Variants in CRACR2A observed in about 807,000 individuals in gnomAD.
The protein encoded by CRACR2A is EF-hand calcium-binding domain-containing protein 4B.
In CRACR2A, 79 loss-of-function variants were observed where a neutral mutation model predicts 90.5. The observed-to-expected ratio is 0.87, with a 90% CI of 0.73 to 1.05. The LOEUF is 1.05. CRACR2A is among the 50% of genes least tolerant of loss of function. CRACR2A has a pLI of 0.00. For synonymous variants in CRACR2A, 338 were observed against 356.7 expected, an observed-to-expected ratio of 0.95 and a Z score of 0.59; for missense variants, 823 against 897.2, an observed-to-expected ratio of 0.92 and a Z score of 1.06.
rs112570697 is a variant in CRACR2A, at chr12:3,673,435, G to A, written c.671+11C>T. 3.1e-6 allele frequency: 5 copies of A among 1,607,694 alleles called. No individual in the cohort carries two copies. The highest frequency in any genetic ancestry group is 2.7e-5 in the African/African-American group (2 of 74,692). ...ATAGTTACAGAAAGCGGCTGACACT[G>A]GGGTACCCACCTTTTTAGGGCACAC... is the stretch of plus-strand genomic sequence containing the variant. On this transcript the variant is annotated intron_variant, in intron 7 of 19. Transcript: ENST00000440314.
intron 7 of CRACR2A, among the ~76,000 whole-genome samples, chr12:3,661,042 ATTCCC>A (rs1945024520): frequency 6.6e-6 from 1 of 152,078 alleles, no homozygotes; most frequent in African/African-American, 2.4e-5. Context: ...GAATATATTT[ATTCCC>A]CTGAGCCCTC....
Position 3,627,818 on chromosome 12 carries a change from C to A in CRACR2A, c.1736-112G>T. The A allele has an allele frequency of 6.2e-6, 7 of 1,134,894 alleles. No homozygotes were observed. In the South Asian group the frequency reaches 8.0e-5, roughly 13 times the overall value. The allele number at this position is 1,134,894 out of a possible 1,614,324, so 70.3% of individuals were successfully genotyped here. On this transcript the variant is annotated intron_variant, in intron 15 of 19. Transcript: ENST00000440314. ...AATCACATCAGGCCCAAGGTGACAACCCTCCATGTGCAGCTCGTGGGAGGC... is the reference window on the plus strand; with the variant it reads ...AATCACATCAGGCCCAAGGTGACAAACCTCCATGTGCAGCTCGTGGGAGGC...
At chr12:3,679,258 G>A (rs917693386) in intron 5 of CRACR2A, among the ~76,000 whole-genome samples, 160 bp from the exon 6 acceptor site, 5 of 152,150 alleles carry the variant, frequency 3.3e-5, no homozygotes, top group East Asian at 3.9e-4. Context: ...CCGTGGACAC[G>A]TTCCAGATTC....
chr12:3,739,809 C>T (rs56190716), intron 1 of CRACR2A, among the ~76,000 whole-genome samples: 23,826 of 151,810 alleles, frequency 0.16, 2,070 homozygotes, highest in African/African-American at 0.2. Context: ...TGGTGCGTAC[C>T]TGTAATCCCA....
At chr12:3,627,039 C>T (rs1037170597) in intron 17 of CRACR2A, among the ~76,000 whole-genome samples, 7 of 152,104 alleles carry the variant, frequency 4.6e-5, no homozygotes, top group Non-Finnish European at 5.9e-5. Context: ...TGGGGAGAGA[C>T]GCTGGTGAGA....
intron 2 of CRACR2A, 68 bp from the exon 3 acceptor site, chr12:3,713,385 T>C (rs921141934): frequency 2.2e-6 from 2 of 889,038 alleles, no homozygotes; most frequent in Non-Finnish European, 2.7e-6. Context: ...AGTGGCTTTA[T>C]AGCAATTTTG....
In CRACR2A at chr12:3,720,416, G is replaced by GAAGGAAGA. The variant is rs1555119071; in HGVS notation, c.-117-7100_-117-7099insTCTTCCTT. On this transcript the variant is annotated intron_variant, in intron 2 of 19. Coordinates refer to ENST00000440314, the MANE Select transcript of CRACR2A (RefSeq NM_001144958.2). ...GGGGGAGGGACGGAGTGAGAGAGAGGAAGAAAGAAAGAAAGAAAGAAAGAA... is the reference window on the plus strand; with the variant it reads ...GGGGGAGGGACGGAGTGAGAGAGAGGAAGGAAGAAAGAAAGAAAGAAAGAAAGAAAGAA... Among the ~76,000 whole-genome samples the GAAGGAAGA allele has an allele frequency of 4.7e-5, 5 of 106,710 alleles. 1 individual carries two copies. The highest frequency in any genetic ancestry group is 1.8e-4 in the African/African-American group (5 of 27,088). 70.0% of individuals were successfully genotyped at this position (106,710 alleles called of 152,430 possible). A position where few individuals can be genotyped will look rare whatever the true frequency, so the allele number is the denominator to read the frequency against.
chr12:3,637,378 T>A (rs1434447300), intron 14 of CRACR2A, among the ~76,000 whole-genome samples: 1 of 152,156 alleles, frequency 6.6e-6, no homozygotes, highest in South Asian at 2.1e-4. Context: ...TGAATCTGAA[T>A]CGGAAGAGAG....
In CRACR2A at chr12:3,640,721, C is replaced by T. The variant is rs1290031933; in HGVS notation, c.1271+1011G>A. ...TTTTTCATTTCATGCTTGCAGTCTT[C>T]AAGGTCTCTCTGGGTCTGATACTGA... is the stretch of plus-strand genomic sequence containing the variant. On this transcript the variant is annotated intron_variant, in intron 13 of 19. Coordinates refer to ENST00000440314, the MANE Select transcript of CRACR2A (RefSeq NM_001144958.2). 3.1e-6 allele frequency: 4 copies of T among 1,305,282 alleles called. No homozygotes were observed. In the African/African-American group the frequency reaches 6.1e-5, roughly 20 times the overall value. The allele number at this position is 1,305,282 out of a possible 1,614,324, so 80.9% of individuals were successfully genotyped here. A position where few individuals can be genotyped will look rare whatever the true frequency, so the allele number is the denominator to read the frequency against.
chr12:3,641,957 G>A (rs1463798240), intron 12 of CRACR2A, 119 bp from the exon 13 acceptor site: 4 of 851,248 alleles, frequency 4.7e-6, no homozygotes. Flanking sequence ...AAAGGAGTAG[G>A]CAGTGTTCTG....
At chr12:3,722,037 C>CT (rs1294539029) in intron 2 of CRACR2A, among the ~76,000 whole-genome samples, 1 of 152,182 alleles carries the variant, frequency 6.6e-6, no homozygotes, top group Non-Finnish European at 1.5e-5. Flanking sequence ...GTGATTGTTG[C>CT]TGATGCATCA....
intron 17 of CRACR2A, among the ~76,000 whole-genome samples, chr12:3,625,413 C>T (rs1022282581): frequency 1.1e-4 from 17 of 151,746 alleles, no homozygotes; most frequent in Admixed American, 2.6e-4. Context: ...GCCTTAGAAA[C>T]GACACCCCCT....
In CRACR2A at chr12:3,636,910, C is replaced by CA. The variant is rs11436099; in HGVS notation, c.1602+1213dup. Among the ~76,000 whole-genome samples the CA allele has an allele frequency of 3.9e-3, 587 of 152,344 alleles. 3 individuals are homozygous for CA. Among genetic ancestry groups the CA allele is most frequent in the African/African-American group, 0.013 (558 of 41,576 alleles). Reference sequence around the variant, plus strand: ...AGCCACTGGGAAAAGTTCAAGGCGGCAAAGGCTCAGTTCTCAATGGCTGCC... The same window carrying CA: ...AGCCACTGGGAAAAGTTCAAGGCGGCAAAAGGCTCAGTTCTCAATGGCTGCC... On this transcript the variant is annotated intron_variant, in intron 14 of 19. Transcript: ENST00000440314.
intron 9 of CRACR2A, among the ~76,000 whole-genome samples, chr12:3,655,983 C>T (rs1944897871): frequency 2.0e-5 from 3 of 152,178 alleles, no homozygotes; most frequent in Admixed American, 2.0e-4. Context: ...CCTCAGCATT[C>T]CCCTCTTTTC....
Position 3,617,018 on chromosome 12 carries a change from T to C in CRACR2A, c.2047A>G (p.Ile683Val). Reference sequence around the variant, plus strand: ...GAGTAGGCGCTGCATTCATAGAAGATCAGATTGTTCTCCTAGAATCATAAA... The same window carrying C: ...GAGTAGGCGCTGCATTCATAGAAGACCAGATTGTTCTCCTAGAATCATAAA... ...GEQLATENNL[I>V]FYECSAYSGH... is the part of the protein sequence containing the mutation. The change falls in exon 19 of 20, where the codon ATC becomes GTC. Residue 683 changes from isoleucine (I) to valine (V), a missense_variant. Transcript: ENST00000440314. The C allele has an allele frequency of 6.4e-7, 1 of 1,551,126 alleles. No individual in the cohort carries two copies. The highest frequency in any genetic ancestry group is 8.7e-7 in the Non-Finnish European group (1 of 1,146,558).
chr12:3,677,328 G>A (rs751288910), intron 6 of CRACR2A, among the ~76,000 whole-genome samples: 5 of 152,204 alleles, frequency 3.3e-5, no homozygotes, highest in Admixed American at 6.5e-5. Flanking sequence ...CTTCAGTGAG[G>A]ATGGAAGTGG....
At chr12:3,721,226 T>C (rs547137881) in intron 2 of CRACR2A, among the ~76,000 whole-genome samples, 2 of 152,084 alleles carry the variant, frequency 1.3e-5, no homozygotes, top group African/African-American at 4.8e-5. Context: ...AGATGCTGTG[T>C]TAGGAACGGG....
intron 1 of CRACR2A, among the ~76,000 whole-genome samples, chr12:3,744,118 A>AC (rs1450465279): frequency 3.3e-5 from 5 of 152,106 alleles, no homozygotes; most frequent in Admixed American, 1.3e-4. Flanking sequence ...TGGTGACCAA[A>AC]CCCCTGCTAG....
intron 17 of CRACR2A, among the ~76,000 whole-genome samples, chr12:3,620,783 A>T (rs1944115348): frequency 6.6e-6 from 1 of 152,234 alleles, no homozygotes; most frequent in Non-Finnish European, 1.5e-5. Flanking sequence ...GTTTGCAATG[A>T]TGACTCAAAG....
Sources: gnomAD v4.1 joint callset for allele counts (sites outside exome capture counted in the v4.1 genomes callset) on GRCh38, gnomAD v4.1.1 for gene constraint, MANE v1.5 for transcripts, NCBI Gene and HGNC (gene_info 2026-07-23, HGNC 2026-07-21) for gene names.